Variants in TNRC6B observed in about 807,000 individuals in gnomAD.
The protein encoded by TNRC6B is trinucleotide repeat-containing gene 6B protein.
A neutral mutation model predicts 203.6 loss-of-function variants in TNRC6B; 52 were observed. That is an observed-to-expected ratio of 0.26 (90% CI 0.20 to 0.32). TNRC6B has a LOEUF of 0.32. Ranked by LOEUF, TNRC6B falls within the 10% of genes least tolerant of loss-of-function variation. The probability of loss-of-function intolerance (pLI) is 1.00; values close to 1 mark genes in which losing one functional copy is unlikely to be tolerated. For missense variants in TNRC6B, 1,923 were observed against 2,286.2 expected, an observed-to-expected ratio of 0.84 and a Z score of 3.24; for synonymous variants, 838 against 845.7, an observed-to-expected ratio of 0.99 and a Z score of 0.16.
Position 40,079,536 on chromosome 22 carries a change from ATTATT to A in TNRC6B, c.-121+34544_-121+34548del, listed in dbSNP as rs570638755. Among the ~76,000 whole-genome samples, 18 of 151,726 alleles carry A rather than the reference ATTATT, an allele frequency of 1.2e-4. No homozygotes were observed. The South Asian group carries it at 2.9e-3, about 24-fold the overall frequency. On this transcript the variant is annotated intron_variant, in intron 1 of 23. Transcript: ENST00000301923. ...GAAATATTATTTTGTTTTAAAAATA[ATTATT>A]TTATTATTTATATTTAATCCCAAAT...
In TNRC6B at chr22:40,264,809, C is replaced by T. The variant is rs117010246; in HGVS notation, c.579C>T (p.Asp193=). 1,121 of 1,613,932 alleles carry T rather than the reference C, an allele frequency of 6.9e-4. 18 individuals are homozygous for T. In the East Asian group the frequency reaches 0.018, roughly 26 times the overall value. Residue 193 remains aspartate (D), a synonymous_variant, in exon 5 of 23, where the codon GAC becomes GAT. Coordinates refer to ENST00000454349, the MANE Select transcript of TNRC6B (RefSeq NM_001162501.2). ...PIHIWDKVIV[D]GSDMEEWPCI... The stretch of plus-strand genomic sequence containing the variant: ...ACATCTGGGACAAGGTGATTGTAGA[C>T]GGGTCTGACATGGAAGAGTGGCCTT...
At chr22:40,304,421 G>A (rs1464992536) in intron 15 of TNRC6B, among the ~76,000 whole-genome samples, 1 of 152,150 alleles carries the variant, frequency 6.6e-6, no homozygotes, top group Non-Finnish European at 1.5e-5. Context: ...GAGACAGAGA[G>A]AAAGAATACC....
chr22:40,075,840 A>C (rs1222636313), intron 1 of TNRC6B, among the ~76,000 whole-genome samples: 1 of 152,228 alleles, frequency 6.6e-6, no homozygotes, highest in Non-Finnish European at 1.5e-5. Context: ...GCCTTAAAAT[A>C]ATATGCCACT....
chr22:40,262,285 T>C (rs1409845275), intron 4 of TNRC6B, 112 bp downstream of exon 4: 1 of 1,008,820 alleles, frequency 9.9e-7, no homozygotes, highest in Non-Finnish European at 1.3e-6. Context: ...ACCACTGGGA[T>C]TAGTCAAAAG....
chr22:40,246,183 TC>T lies in TNRC6B; in HGVS notation c.93+83del, dbSNP rs1276753113. The T allele has an allele frequency of 3.6e-6, 4 of 1,121,330 alleles. No individual in the cohort carries two copies. The African/African-American group carries it at 6.4e-5, about 18-fold the overall frequency. The allele number at this position is 1,121,330 out of a possible 1,614,324, so 69.5% of individuals were successfully genotyped here. Reference sequence around the variant, plus strand: ...ACAAGAAACTGTCTTGGCTTGAATATCCGATATCTTTTATTTTTTTTCCTGA... The same window carrying T: ...ACAAGAAACTGTCTTGGCTTGAATATCGATATCTTTTATTTTTTTTCCTGA... On this transcript the variant is annotated intron_variant, in intron 2 of 22. Coordinates refer to ENST00000454349, the MANE Select transcript of TNRC6B (RefSeq NM_001162501.2).
intron 1 of TNRC6B, among the ~76,000 whole-genome samples, chr22:40,111,028 C>T (rs576001426): frequency 1.3e-5 from 2 of 152,270 alleles, no homozygotes; most frequent in African/African-American, 4.8e-5. Flanking sequence ...CACACATAAG[C>T]AAGCCTAGTG....
intron 3 of TNRC6B, among the ~76,000 whole-genome samples, chr22:40,151,019 A>T (rs2146347123): frequency 6.6e-6 from 1 of 152,322 alleles, no homozygotes; most frequent in East Asian, 1.9e-4. Context: ...GACAAGAATG[A>T]TCAGACATTT....
chr22:40,219,360 G>A (rs528735748), intron 1 of TNRC6B, among the ~76,000 whole-genome samples: 197 of 152,316 alleles, frequency 1.3e-3, no homozygotes, highest in Non-Finnish European at 2.5e-3. Flanking sequence ...GTCATTTATG[G>A]AGGTGGGAAT....
intron 15 of TNRC6B, among the ~76,000 whole-genome samples, chr22:40,302,198 G>A (rs2071032553): frequency 6.6e-6 from 1 of 152,174 alleles, no homozygotes; most frequent in South Asian, 2.1e-4. Flanking sequence ...CATGCTGTAA[G>A]CAGAATCTAA....
At position 40,300,472 on chromosome 22, in the gene TNRC6B, C is replaced by T. The variant is rs1366366669; in HGVS notation, c.3726C>T (p.Leu1242=). 1.3e-6 allele frequency: 2 copies of T among 1,589,610 alleles called. No individual in the cohort carries two copies. Among genetic ancestry groups the T allele is most frequent in the East Asian group, 2.3e-5 (1 of 44,300 alleles). The change falls in exon 13 of 23, where the codon CTC becomes CTT. Residue 1242 remains leucine, a synonymous_variant. Transcript: ENST00000454349. ...FISPQVSASM[L]KQFPNSGLSP... The stretch of plus-strand genomic sequence containing the variant: ...TTGGCTAGGTTTCTGCCTCAATGCT[C>T]AAGCAGTTTCCCAACAGTGGCCTGA...
chr22:40,062,740 T>C (rs1473354550), intron 1 of TNRC6B, among the ~76,000 whole-genome samples: 2 of 152,208 alleles, frequency 1.3e-5, no homozygotes, highest in African/African-American at 2.4e-5. Context: ...CATGCACTTA[T>C]TGGCTATTTG....
rs1255790871 is a variant in TNRC6B, at chr22:40,266,267, A to G, written c.2037A>G (p.Gly679=). The part of the protein sequence containing the change: ...APSQSNQMKS[G]WGELSASTEW... ...GCCAAAGCAATCAAATGAAGTCTGG[A>G]TGGGGGGAGCTCTCAGCCTCTACAG... The change falls in exon 5 of 23, where the codon GGA becomes GGG. Residue 679 remains glycine, a synonymous_variant. Coordinates refer to ENST00000454349, the MANE Select transcript of TNRC6B (RefSeq NM_001162501.2). 1 of 1,594,140 alleles carries G rather than the reference A, an allele frequency of 6.3e-7. No homozygotes were observed.
At chr22:40,072,040 A>G (rs1186504503) in intron 1 of TNRC6B, among the ~76,000 whole-genome samples, 1 of 152,124 alleles carries the variant, frequency 6.6e-6, no homozygotes, top group Non-Finnish European at 1.5e-5. Context: ...ATCTTTTTGT[A>G]GAGACAGGGT....
At chr22:40,300,651 G>A in intron 13 of TNRC6B, 65 bp downstream of exon 13, 1 of 1,539,626 alleles carries the variant, frequency 6.5e-7, no homozygotes, top group Non-Finnish European at 8.7e-7. Context: ...CTTTAGCTTT[G>A]ATTTGCTTCC....
intron 1 of TNRC6B, among the ~76,000 whole-genome samples, chr22:40,064,206 T>C (rs572079249): frequency 2.6e-5 from 4 of 152,334 alleles, no homozygotes; most frequent in African/African-American, 9.6e-5. Context: ...AGGGATAGTT[T>C]AAATTCTTCC....
intron 1 of TNRC6B, among the ~76,000 whole-genome samples, chr22:40,190,628 C>T (rs1418219175): frequency 6.6e-6 from 1 of 152,234 alleles, no homozygotes; most frequent in Non-Finnish European, 1.5e-5. Flanking sequence ...CTTGGATGCA[C>T]TTTACTCCTG....
intron 1 of TNRC6B, chr22:40,045,661 C>G (rs957656868): frequency 6.6e-6 from 1 of 152,282 alleles, no homozygotes; most frequent in Non-Finnish European, 1.5e-5. Flanking sequence ...AGACTCTGGA[C>G]AAGGAAACGA....
chr22:40,192,914 C>T (rs2069292238), intron 1 of TNRC6B, among the ~76,000 whole-genome samples: 1 of 152,222 alleles, frequency 6.6e-6, no homozygotes, highest in Non-Finnish European at 1.5e-5. Context: ...GCTTGGAAGC[C>T]ATTTACTTAC....
chr22:40,091,721 A>G (rs2068152271), intron 1 of TNRC6B, among the ~76,000 whole-genome samples: 1 of 152,212 alleles, frequency 6.6e-6, no homozygotes, highest in South Asian at 2.1e-4. Context: ...TACAGGTGAA[A>G]GAGTGTTGGC....
Sources: gnomAD v4.1 joint callset for allele counts (sites outside exome capture counted in the v4.1 genomes callset) on GRCh38, gnomAD v4.1.1 for gene constraint, MANE v1.5 for transcripts, NCBI Gene and HGNC (gene_info 2026-07-23, HGNC 2026-07-21) for gene names.